Variants in ACADSB observed in about 807,000 individuals in gnomAD.
ACADSB encodes the protein acyl-CoA dehydrogenase short/branched chain, also known as short/branched chain specific acyl-CoA dehydrogenase, mitochondrial.
In ACADSB, 40 loss-of-function variants were observed where a neutral mutation model predicts 54.1. The observed-to-expected ratio is 0.74, with a 90% CI of 0.57 to 0.96. The LOEUF (loss-of-function observed/expected upper bound fraction) is 0.96. Among genes scored for constraint, ACADSB ranks in the 40% least tolerant of loss-of-function variants. The pLI is 0.00. For synonymous variants in ACADSB, 182 were observed against 182.8 expected, an observed-to-expected ratio of 1.00 and a Z score of 0.03; for missense variants, 530 against 510.4, an observed-to-expected ratio of 1.04 and a Z score of -0.37.
At chr10:123,046,646 G>C (rs1359183585) in intron 7 of ACADSB, among the ~76,000 whole-genome samples, 1 of 152,190 alleles carries the variant, frequency 6.6e-6, no homozygotes, top group African/African-American at 2.4e-5. Context: ...TTTTAAATCA[G>C]ATTCCCCAAA....
chr10:123,047,887 C>CAA (rs1850580303), intron 8 of ACADSB, among the ~76,000 whole-genome samples: 1 of 152,156 alleles, frequency 6.6e-6, no homozygotes, highest in Admixed American at 6.5e-5. Context: ...GCATTAAATA[C>CAA]AAATGAGGTG....
At position 123,055,233 on chromosome 10, in the gene ACADSB, T is replaced by C; in HGVS notation, c.*1468T>C. On this transcript the variant is annotated 3_prime_UTR_variant, in exon 11 of 11. Transcript: ENST00000358776. ...ACAGTTCCACATGACTGGGGAGGCC[T>C]CAGAATCATGGTGGGAGGCAAAAAG... 5.2e-6 allele frequency: 1 copy of C among 192,930 alleles called. No individual in the cohort carries two copies. Among genetic ancestry groups the C allele is most frequent in the Non-Finnish European group, 1.0e-5 (1 of 98,098 alleles). 12.0% of individuals were successfully genotyped at this position (192,930 alleles called of 1,614,324 possible). A position where few individuals can be genotyped will look rare whatever the true frequency, so the allele number is the denominator to read the frequency against.
At chr10:123,026,458 T>C (rs1850253220) in intron 1 of ACADSB, among the ~76,000 whole-genome samples, 1 of 151,650 alleles carries the variant, frequency 6.6e-6, no homozygotes, top group Non-Finnish European at 1.5e-5. Context: ...TAACCACCAC[T>C]ACCATCTAGA....
At chr10:123,050,252 TTTAA>T (rs1379439229) in intron 8 of ACADSB, among the ~76,000 whole-genome samples, 2 of 152,210 alleles carry the variant, frequency 1.3e-5, no homozygotes, top group Non-Finnish European at 2.9e-5. Context: ...ATTATAATTA[TTTAA>T]TTGTCTGTTC....
chr10:123,050,303 A>C (rs1038072490), intron 8 of ACADSB, among the ~76,000 whole-genome samples: 12 of 152,232 alleles, frequency 7.9e-5, no homozygotes, highest in African/African-American at 2.9e-4. Flanking sequence ...CATGAGAACA[A>C]GGAACTCTGG....
In ACADSB at chr10:123,043,050, A is replaced by G; in HGVS notation, c.686A>G (p.Tyr229Cys). The G allele has an allele frequency of 6.2e-7, 1 of 1,613,658 alleles. No individual in the cohort carries two copies. Among genetic ancestry groups the G allele is most frequent in the South Asian group, 1.1e-5 (1 of 91,084 alleles). ...CGTTTTAATTCTTCTTTTTAGGGAT[A>G]TAAGGGAATTACCTCCTTCTTAGTA... The part of the protein sequence containing the change: ...VMANVDPTIG[Y>C]KGITSFLVDR... The change falls in exon 6 of 11, where the codon TAT becomes TGT. Residue 229 changes from tyrosine to cysteine, a missense_variant. Physicochemically the swap from Tyr to Cys is radical, Grantham distance 194. Coordinates refer to ENST00000358776, the MANE Select transcript of ACADSB (RefSeq NM_001609.4).
chr10:123,040,007 A>C (rs1188253877), intron 3 of ACADSB, among the ~76,000 whole-genome samples: 1 of 152,124 alleles, frequency 6.6e-6, no homozygotes. Context: ...CAAAATTGCT[A>C]TACCAAATTA....
At position 123,053,737 on chromosome 10, in the gene ACADSB, T is replaced by C. The variant is rs748926593; in HGVS notation, c.1271T>C (p.Ile424Thr). 1.1e-5 allele frequency: 18 copies of C among 1,613,992 alleles called. No homozygotes were observed. Among genetic ancestry groups the C allele is most frequent in the Admixed American group, 1.7e-5 (1 of 60,002 alleles). ...GCTTCCAACATCCAGTTGAACACCA[T>C]TGCAAAGCATATCGATGCAGAATAC... ...EGASNIQLNT[I>T]AKHIDAEY The change falls in exon 11 of 11, where the codon ATT (isoleucine) becomes ACT (threonine). Residue 424 changes from isoleucine to threonine, a missense_variant. Ile to Thr is a moderately conservative substitution (Grantham distance 89, BLOSUM62 -1). Transcript: ENST00000358776.
intron 9 of ACADSB, 32 bp downstream of exon 9, chr10:123,051,218 A>AAGTAATTC (rs1850629328): frequency 7.5e-7 from 1 of 1,332,534 alleles, no homozygotes; most frequent in African/African-American, 2.0e-5. Flanking sequence ...AAAAAGGAAA[A>AAGTAATTC]AGTAATTCAG....
At position 123,043,096 on chromosome 10, in the gene ACADSB, T is replaced by A; in HGVS notation, c.732T>A (p.Leu244=). The A allele has an allele frequency of 6.2e-7, 1 of 1,614,006 alleles. No homozygotes were observed. The highest frequency in any genetic ancestry group is 8.5e-7 in the Non-Finnish European group (1 of 1,179,878). The stretch of plus-strand genomic sequence containing the variant: ...TAGTAGATCGTGATACTCCGGGCCT[T>A]CATATAGGGAAACCTGAAAACAAAT... The part of the protein sequence containing the change: ...SFLVDRDTPG[L]HIGKPENKLG... Residue 244 remains leucine, a synonymous_variant, in exon 6 of 11, where the codon CTT becomes CTA. Transcript: ENST00000358776.
chr10:123,036,592 GA>G (rs925300984), intron 2 of ACADSB, among the ~76,000 whole-genome samples: 3 of 152,104 alleles, frequency 2.0e-5, no homozygotes, highest in African/African-American at 4.8e-5. Context: ...AGATGGGCAA[GA>G]AAAAAATCAC....
At chr10:123,017,360 C>T (rs1358025416) in intron 1 of ACADSB, among the ~76,000 whole-genome samples, 1 of 152,094 alleles carries the variant, frequency 6.6e-6, no homozygotes, top group Admixed American at 6.6e-5. Flanking sequence ...TTCTTGTTGC[C>T]TAGGCTGGAG....
chr10:123,027,931 G>C (rs1589735937), intron 1 of ACADSB, among the ~76,000 whole-genome samples: 1 of 152,194 alleles, frequency 6.6e-6, no homozygotes, highest in Non-Finnish European at 1.5e-5. Flanking sequence ...GATCTGACCA[G>C]ATCCTGCCAG....
chr10:123,053,084 A>C lies in ACADSB; in HGVS notation c.1152A>C (p.Lys384Asn). The change falls in exon 10 of 11, where the codon AAA becomes AAC. Residue 384 changes from lysine (K) to asparagine (N), a missense_variant. Physicochemically the swap from Lys to Asn is moderately conservative, Grantham distance 94. Coordinates refer to ENST00000358776, the MANE Select transcript of ACADSB (RefSeq NM_001609.4). ...ASEIAGQTTS[K>N]CIEWMGGVGY... ...AGATTGCAGGACAAACAACGAGTAAATGTATCGAGTGGATGGGGGGAGTAG... is the reference window on the plus strand; with the variant it reads ...AGATTGCAGGACAAACAACGAGTAACTGTATCGAGTGGATGGGGGGAGTAG... 6.2e-7 allele frequency: 1 copy of C among 1,614,072 alleles called. No individual in the cohort carries two copies. Among genetic ancestry groups the C allele is most frequent in the Non-Finnish European group, 8.5e-7 (1 of 1,179,952 alleles).
Position 123,051,123 on chromosome 10 carries a change from G to C in ACADSB, c.1065G>C (p.Arg355Ser). 6.3e-7 allele frequency: 1 copy of C among 1,596,172 alleles called. No individual in the cohort carries two copies. The highest frequency in any genetic ancestry group is 8.5e-7 in the Non-Finnish European group (1 of 1,172,604). ...GATTACTAACATACAATGCTGCTAG[G>C]CTTTTAGAAGCTGGAAAGCCATTCA... ...AARLLTYNAA[R>S]LLEAGKPFIK... The change falls in exon 9 of 11, where the codon AGG (arginine) becomes AGC (serine). Residue 355 changes from arginine (R) to serine (S), a missense_variant. Physicochemically the swap from Arg to Ser is moderately radical, Grantham distance 110. Transcript: ENST00000358776.
intron 8 of ACADSB, among the ~76,000 whole-genome samples, chr10:123,049,320 A>G (rs2133491116): frequency 6.6e-6 from 1 of 152,308 alleles, no homozygotes; most frequent in African/African-American, 2.4e-5. Context: ...TTGTTTATTC[A>G]GTATAGATTT....
In ACADSB at chr10:123,009,040, T is replaced by A. The variant is rs994239544; in HGVS notation, c.11T>A (p.Leu4Gln). 3 of 1,547,908 alleles carry A rather than the reference T, an allele frequency of 1.9e-6. No homozygotes were observed. Among genetic ancestry groups the A allele is most frequent in the African/African-American group, 2.7e-5 (2 of 73,040 alleles). Residue 4 changes from leucine (L) to glutamine (Q), a missense_variant, in exon 1 of 11, where the codon CTG becomes CAG. Leu to Gln is a moderately radical substitution (Grantham distance 113). Transcript: ENST00000358776. Reference protein sequence around the residue: MEGLAVRLLRGSRL... With the variant: MEGQAVRLLRGSRL... Reference sequence around the variant, plus strand: ...AGGCCTGCGGCGAGGATGGAGGGCCTGGCAGTGCGGTTGCTGCGCGGCAGC... The same window carrying A: ...AGGCCTGCGGCGAGGATGGAGGGCCAGGCAGTGCGGTTGCTGCGCGGCAGC...
intron 1 of ACADSB, among the ~76,000 whole-genome samples, chr10:123,015,604 G>A (rs1850100997): frequency 1.3e-5 from 2 of 152,206 alleles, no homozygotes; most frequent in South Asian, 4.1e-4. Flanking sequence ...GTGTAACAGT[G>A]TACTCCATGA....
At position 123,053,936 on chromosome 10, in the gene ACADSB, A is replaced by C. The variant is rs1250136194; in HGVS notation, c.*171A>C. The C allele has an allele frequency of 4.5e-6, 3 of 669,470 alleles. No individual in the cohort carries two copies. The highest frequency in any genetic ancestry group is 7.9e-6 in the Non-Finnish European group (3 of 381,610). The allele number at this position is 669,470 out of a possible 1,614,324, so 41.5% of individuals were successfully genotyped here. On this transcript the variant is annotated 3_prime_UTR_variant, in exon 11 of 11. Transcript: ENST00000358776. The stretch of plus-strand genomic sequence containing the variant: ...TTGGCCTTTTTGGTTTTCTCTTTTC[A>C]GGCTGTTTAACTTAGGCACAGGAGA...
Sources: gnomAD v4.1 joint callset for allele counts (sites outside exome capture counted in the v4.1 genomes callset) on GRCh38, gnomAD v4.1.1 for gene constraint, MANE v1.5 for transcripts, NCBI Gene and HGNC (gene_info 2026-07-23, HGNC 2026-07-21) for gene names.